Variants in MSRA observed in about 807,000 individuals in gnomAD.
MSRA encodes mitochondrial peptide methionine sulfoxide reductase.
In MSRA, 54 loss-of-function variants were observed where a neutral mutation model predicts 31.3. That is an observed-to-expected ratio of 1.73 (90% CI 1.39 to 2.17). The LOEUF (loss-of-function observed/expected upper bound fraction) is 2.17, where lower values mean the gene tolerates loss of function less well. MSRA is among the 30% of genes most tolerant of loss of function. The probability of loss-of-function intolerance (pLI) is 0.00; values close to 1 mark genes in which losing one functional copy is unlikely to be tolerated. For missense variants in MSRA, 507 were observed against 300.9 expected (o/e 1.69, Z -5.07); for synonymous variants, 169 against 116.5 (o/e 1.45, Z -2.90).
chr8:10,116,960 C>T (rs1331997471), intron 1 of MSRA, among the ~76,000 whole-genome samples: 1 of 152,058 alleles, frequency 6.6e-6, no homozygotes, highest in Non-Finnish European at 1.5e-5. Flanking sequence ...GAGCGAAACT[C>T]CAAGATGGAG....
At chr8:10,315,081 A>C (rs924383247) in intron 4 of MSRA, among the ~76,000 whole-genome samples, 1 of 152,112 alleles carries the variant, frequency 6.6e-6, no homozygotes, top group Non-Finnish European at 1.5e-5. Context: ...TGTGTAGGGG[A>C]ACTGACCTTT....
At position 10,350,668 on chromosome 8, in the gene MSRA, C is replaced by G. The variant is rs529962121; in HGVS notation, c.543+30679C>G. Among the ~76,000 whole-genome samples the G allele has an allele frequency of 2.8e-4, 42 of 152,356 alleles. No individual in the cohort carries two copies. In the South Asian group the frequency reaches 7.0e-3, roughly 26 times the overall value. ...TGCCGGGCTTCAGGCTGAGTGGGCT[C>G]ATAGCTGGTTGGCCCTGTATCTCTG... is the stretch of plus-strand genomic sequence containing the variant. On this transcript the variant is annotated intron_variant, in intron 5 of 5. Transcript: ENST00000317173.
At chr8:10,067,326 C>T (rs866412970) in intron 1 of MSRA, among the ~76,000 whole-genome samples, 11 of 152,140 alleles carry the variant, frequency 7.2e-5, no homozygotes, top group East Asian at 1.9e-4. Flanking sequence ...TTTGAGGAGC[C>T]TTCATGTCTT....
chr8:10,289,343 G>T (rs1416223716), intron 3 of MSRA, among the ~76,000 whole-genome samples: 1 of 151,816 alleles, frequency 6.6e-6, no homozygotes, highest in Non-Finnish European at 1.5e-5. Context: ...TACATAGTAG[G>T]TACATTTATG....
intron 3 of MSRA, among the ~76,000 whole-genome samples, chr8:10,283,323 C>T (rs1204783425): frequency 6.6e-6 from 1 of 152,104 alleles, no homozygotes; most frequent in African/African-American, 2.4e-5. Flanking sequence ...GCCTTCAGAA[C>T]CCTCTTCATA....
chr8:10,096,348 CT>C (rs1585135972), intron 1 of MSRA: 1 of 1,035,142 alleles, frequency 9.7e-7, no homozygotes, highest in East Asian at 7.7e-5. Context: ...TTTTGTGTGT[CT>C]TTGCTCTGAA....
chr8:10,107,060 A>G (rs1348809723), intron 1 of MSRA, among the ~76,000 whole-genome samples: 1 of 152,182 alleles, frequency 6.6e-6, no homozygotes, highest in Non-Finnish European at 1.5e-5. Context: ...TGGATAGAAC[A>G]CAGATAACCG....
chr8:10,396,547 C>G (rs1344414024), intron 5 of MSRA, among the ~76,000 whole-genome samples: 1 of 152,096 alleles, frequency 6.6e-6, no homozygotes, highest in East Asian at 1.9e-4. Flanking sequence ...CTATTAAACC[C>G]CTTAGGAATG....
At chr8:10,313,910 G>C (rs1384002432) in intron 4 of MSRA, among the ~76,000 whole-genome samples, 1 of 152,144 alleles carries the variant, frequency 6.6e-6, no homozygotes, top group Non-Finnish European at 1.5e-5. Flanking sequence ...CATAGTACTG[G>C]GGAAATAATG....
intron 1 of MSRA, among the ~76,000 whole-genome samples, chr8:10,124,149 G>C (rs1324015828): frequency 6.6e-6 from 1 of 152,112 alleles, no homozygotes; most frequent in African/African-American, 2.4e-5. Flanking sequence ...AAACATAGAG[G>C]CAAAGGGGTT....
chr8:10,260,206 A>G (rs560663417), intron 3 of MSRA, among the ~76,000 whole-genome samples: 1 of 152,212 alleles, frequency 6.6e-6, no homozygotes, highest in African/African-American at 2.4e-5. Flanking sequence ...TCTCCTTGCC[A>G]TTTGGTCCAG....
At chr8:10,293,795 C>G (rs1800380076) in intron 3 of MSRA, among the ~76,000 whole-genome samples, 1 of 152,054 alleles carries the variant, frequency 6.6e-6, no homozygotes, top group South Asian at 2.1e-4. Flanking sequence ...TCCTGTGAGT[C>G]TCCTGATGAC....
chr8:10,248,239 T>C (rs1429833351), intron 3 of MSRA, among the ~76,000 whole-genome samples: 1 of 152,162 alleles, frequency 6.6e-6, no homozygotes, highest in African/African-American at 2.4e-5. Flanking sequence ...TTTGTAAAGA[T>C]TTTTACTTTT....
Position 10,319,803 on chromosome 8 carries a change from T to C in MSRA, c.437-80T>C, listed in dbSNP as rs1182025273. 4.1e-6 allele frequency: 3 copies of C among 733,084 alleles called. No homozygotes were observed. In the African/African-American group the frequency reaches 5.4e-5, roughly 13 times the overall value. 45.4% of individuals were successfully genotyped at this position (733,084 alleles called of 1,614,324 possible). A position where few individuals can be genotyped will look rare whatever the true frequency, so the allele number is the denominator to read the frequency against. Reference sequence around the variant, plus strand: ...AGGGACCATATGAAAAGTGTCAAAATGTCTCAGCATTGTGCCCAGTTTGAG... The same window carrying C: ...AGGGACCATATGAAAAGTGTCAAAACGTCTCAGCATTGTGCCCAGTTTGAG... On this transcript the variant is annotated intron_variant, in intron 4 of 5. Transcript: ENST00000317173.
chr8:10,357,352 C>G (rs1207319251), intron 5 of MSRA, among the ~76,000 whole-genome samples: 1 of 152,228 alleles, frequency 6.6e-6, no homozygotes, highest in Non-Finnish European at 1.5e-5. Context: ...ATGCTTAATG[C>G]TTTCTCTCGA....
At chr8:10,228,612 T>G (rs1002312034) in intron 2 of MSRA, among the ~76,000 whole-genome samples, 1 of 152,198 alleles carries the variant, frequency 6.6e-6, no homozygotes, top group Admixed American at 6.5e-5. Context: ...GAGACCAGCT[T>G]CTGACGTTGT....
At chr8:10,356,069 C>T (rs1024043077) in intron 5 of MSRA, among the ~76,000 whole-genome samples, 10 of 152,178 alleles carry the variant, frequency 6.6e-5, no homozygotes, top group Non-Finnish European at 1.3e-4. Flanking sequence ...CTTCATGTAT[C>T]TGGGGAGCTG....
chr8:10,136,160 G>C (rs1050879667), intron 1 of MSRA, among the ~76,000 whole-genome samples: 1 of 152,156 alleles, frequency 6.6e-6, no homozygotes, highest in African/African-American at 2.4e-5. Context: ...AGTGATAAGG[G>C]CTTGCAGTCA....
intron 5 of MSRA, among the ~76,000 whole-genome samples, chr8:10,339,163 C>A (rs1803248701): frequency 6.6e-6 from 1 of 152,180 alleles, no homozygotes; most frequent in Non-Finnish European, 1.5e-5. Context: ...CCTTTCCTAG[C>A]CCCTTGGCTT....
Sources: allele counts gnomAD v4.1 joint callset (sites outside exome capture counted in the v4.1 genomes callset), GRCh38; gene constraint gnomAD v4.1.1; transcripts MANE v1.5; gene names NCBI Gene and HGNC (gene_info 2026-07-23, HGNC 2026-07-21).